ANLN: variants seen among roughly 807,000 people sequenced by gnomAD.
ANLN encodes anillin.
In ANLN, 59 loss-of-function variants were observed where a neutral mutation model predicts 135.1. That is an observed-to-expected ratio of 0.44 (90% CI 0.35 to 0.54). The LOEUF is 0.54. Among genes scored for constraint, ANLN ranks in the 20% least tolerant of loss-of-function variants. The pLI is 0.00. For missense variants in ANLN, 1,182 were observed against 1,340.0 expected (o/e 0.88, Z 1.84); for synonymous variants, 406 against 456.4 (o/e 0.89, Z 1.41).
chr7:36,417,192 T>G lies in ANLN; in HGVS notation c.1633+2T>G. 6.5e-7 allele frequency: 1 copy of G among 1,544,356 alleles called. No individual in the cohort carries two copies. Among genetic ancestry groups the G allele is most frequent in the Non-Finnish European group, 8.9e-7 (1 of 1,128,024 alleles). On this transcript the variant is annotated splice_donor_variant, in intron 9 of 23. Transcript: ENST00000265748. LOFTEE classifies it high-confidence loss of function. ...ACCCAAAGGTTGAGCAGAAAATTGGTTGGTTTTTATTCTTTATTTATTATT... is the reference window on the plus strand; with the variant it reads ...ACCCAAAGGTTGAGCAGAAAATTGGGTGGTTTTTATTCTTTATTTATTATT...
At chr7:36,429,794 A>G (rs1482378095) in intron 20 of ANLN, among the ~76,000 whole-genome samples, 2 of 152,182 alleles carry the variant, frequency 1.3e-5, no homozygotes, top group Admixed American at 1.3e-4. Flanking sequence ...CTGTTCTTTT[A>G]AAAACTTTTT....
chr7:36,415,498 G>A (rs1043441661), intron 7 of ANLN, among the ~76,000 whole-genome samples: 2 of 152,118 alleles, frequency 1.3e-5, no homozygotes, highest in African/African-American at 2.4e-5. Flanking sequence ...ACTGAGCCCT[G>A]ATATGAATTT....
In ANLN at chr7:36,427,103, C is replaced by T. The variant is rs1583634468; in HGVS notation, c.2883+75C>T. ...AAAAATTAGCTCAATGGAAATGCCACAATGCTTTTAGGTATTTGAAATCTT... is the reference window on the plus strand; with the variant it reads ...AAAAATTAGCTCAATGGAAATGCCATAATGCTTTTAGGTATTTGAAATCTT... On this transcript the variant is annotated intron_variant, in intron 20 of 23. Coordinates refer to ENST00000265748, the MANE Select transcript of ANLN (RefSeq NM_018685.5). 5.6e-6 allele frequency: 5 copies of T among 886,956 alleles called. No homozygotes were observed. In the East Asian group the frequency reaches 1.3e-4, roughly 23 times the overall value. 54.9% of individuals were successfully genotyped at this position (886,956 alleles called of 1,614,324 possible).
At chr7:36,408,537 G>A (rs1474214736) in intron 5 of ANLN, among the ~76,000 whole-genome samples, 4 of 152,066 alleles carry the variant, frequency 2.6e-5, no homozygotes, top group East Asian at 1.9e-4. Context: ...TCAGTGTAAC[G>A]AGGATATCCA....
chr7:36,406,048 G>A (rs1787173115), intron 3 of ANLN, 133 bp from the exon 4 acceptor site: 2 of 641,356 alleles, frequency 3.1e-6, no homozygotes, highest in Non-Finnish European at 4.6e-6. Flanking sequence ...GAAGTTTCAT[G>A]CATGCTAGAA....
In ANLN at chr7:36,441,313, G is replaced by GC. The variant is rs1788762716; in HGVS notation, c.2970+2026dup. 2.0e-5 allele frequency among the ~76,000 whole-genome samples: 3 copies of GC among 152,228 alleles called. No individual in the cohort carries two copies. The East Asian group carries it at 5.8e-4, about 29-fold the overall frequency. The stretch of plus-strand genomic sequence containing the variant: ...AGTTTACTCTGTCTTGAATCCTGTA[G>GC]CCCATTCTTCTCACATTCACACTTA... On this transcript the variant is annotated intron_variant, in intron 21 of 23. Coordinates refer to ENST00000265748, the MANE Select transcript of ANLN (RefSeq NM_018685.5).
chr7:36,431,597 G>GTGTC (rs1306528982), intron 20 of ANLN, among the ~76,000 whole-genome samples: 2 of 27,444 alleles, frequency 7.3e-5, no homozygotes, highest in African/African-American at 1.7e-4. Context: ...GTGTGTGTGT[G>GTGTC]TATATATATA....
chr7:36,431,213 A>C (rs1283335935), intron 20 of ANLN, among the ~76,000 whole-genome samples: 1 of 152,132 alleles, frequency 6.6e-6, no homozygotes, highest in Non-Finnish European at 1.5e-5. Context: ...ATGATGAGGC[A>C]TATGATGTTT....
intron 20 of ANLN, among the ~76,000 whole-genome samples, chr7:36,429,901 CA>C (rs1788244508): frequency 6.6e-6 from 1 of 152,106 alleles, no homozygotes; most frequent in Non-Finnish European, 1.5e-5. Flanking sequence ...CTTAAATAGC[CA>C]ACCACATGAT....
chr7:36,434,433 C>T (rs556006490), intron 20 of ANLN, among the ~76,000 whole-genome samples: 1 of 152,318 alleles, frequency 6.6e-6, no homozygotes, highest in African/African-American at 2.4e-5. Flanking sequence ...GCCTGTCTAC[C>T]TCAGCCTGGG....
At chr7:36,424,665 A>G (rs756478598) in intron 16 of ANLN, 21 bp from the exon 17 acceptor site, 10 of 1,607,548 alleles carry the variant, frequency 6.2e-6, no homozygotes, top group Non-Finnish European at 6.8e-6. Context: ...TAAATTAATT[A>G]TGCTTTGGGT....
chr7:36,425,815 C>CCATT, intron 18 of ANLN, 75 bp downstream of exon 18: 1 of 1,471,172 alleles, frequency 6.8e-7, no homozygotes, highest in Non-Finnish European at 9.4e-7. Flanking sequence ...AATTGGTTAA[C>CCATT]CATTTCTGAA....
rs1366563669 is a variant in ANLN, at chr7:36,425,687, T to C, written c.2710-15T>C. ...TTAATAAGAAATATATATAGTAAGC[T>C]ATCTTTTCTTTTAGGCTATTACTCC... is the stretch of plus-strand genomic sequence containing the variant. On this transcript the variant is annotated splice_polypyrimidine_tract_variant and intron_variant, in intron 17 of 23. Coordinates refer to ENST00000265748, the MANE Select transcript of ANLN (RefSeq NM_018685.5). 1 of 1,585,736 alleles carries C rather than the reference T, an allele frequency of 6.3e-7. No homozygotes were observed. The highest frequency in any genetic ancestry group is 1.1e-5 in the South Asian group (1 of 90,126).
chr7:36,444,651 A>C (rs557231511), intron 22 of ANLN, among the ~76,000 whole-genome samples: 17 of 152,106 alleles, frequency 1.1e-4, no homozygotes, highest in Non-Finnish European at 1.5e-4. Context: ...TTATCCCCAA[A>C]CTGGAAAATA....
At position 36,402,260 on chromosome 7, in the gene ANLN, C is replaced by T. The variant is rs80324539; in HGVS notation, c.487+2867C>T. Among the ~76,000 whole-genome samples, 80 of 100,742 alleles carry T rather than the reference C, an allele frequency of 7.9e-4. 24 individuals carry two copies. The highest frequency in any genetic ancestry group is 4.8e-3 in the Middle Eastern group (1 of 210). 66.1% of individuals were successfully genotyped at this position (100,742 alleles called of 152,430 possible). A position where few individuals can be genotyped will look rare whatever the true frequency, so the allele number is the denominator to read the frequency against. ...CTGAGTAGCAGGGATTACAGGCACA[C>T]GCCACCACACCCAGCTAATTTTTTG... On this transcript the variant is annotated intron_variant, in intron 3 of 23. Coordinates refer to ENST00000265748, the MANE Select transcript of ANLN (RefSeq NM_018685.5).
chr7:36,427,059 G>GGT, intron 20 of ANLN, 31 bp downstream of exon 20: 1 of 1,329,278 alleles, frequency 7.5e-7, no homozygotes, highest in Non-Finnish European at 1.0e-6. Context: ...AGGGTGTGGT[G>GGT]TTTTTTTTTT....
At chr7:36,422,283 TTCTCTCTC>T (rs10560737) in intron 13 of ANLN, among the ~76,000 whole-genome samples, 2 of 150,132 alleles carry the variant, frequency 1.3e-5, no homozygotes, top group Non-Finnish European at 3.0e-5. Context: ...TACACATACA[TTCTCTCTC>T]TCTCTCTCTC....
intron 2 of ANLN, among the ~76,000 whole-genome samples, 160 bp from the exon 3 acceptor site, chr7:36,398,919 C>G (rs1313228362): frequency 6.6e-6 from 1 of 151,978 alleles, no homozygotes; most frequent in African/African-American, 2.4e-5. Flanking sequence ...TTCTAAGTTG[C>G]TGAAAGAGAA....
chr7:36,445,921 T>C (rs1429587623), intron 22 of ANLN, among the ~76,000 whole-genome samples: 1 of 152,246 alleles, frequency 6.6e-6, no homozygotes, highest in Admixed American at 6.5e-5. Context: ...ATGATAGATG[T>C]GAAATATACT....
Sources: gnomAD v4.1 joint callset for allele counts (sites outside exome capture counted in the v4.1 genomes callset) on GRCh38, gnomAD v4.1.1 for gene constraint, MANE v1.5 for transcripts, NCBI Gene and HGNC (gene_info 2026-07-23, HGNC 2026-07-21) for gene names.